STOX2: variants seen among roughly 807,000 people sequenced by gnomAD.
STOX2 encodes storkhead-box protein 2.
Under a neutral mutation model 60.9 loss-of-function variants are expected in STOX2, and 28 were observed. That is an observed-to-expected ratio of 0.46 (90% confidence interval 0.34 to 0.63). STOX2 has a LOEUF of 0.63. Ranked by LOEUF, STOX2 falls within the 30% of genes least tolerant of loss-of-function variation. The pLI is 0.01. For missense variants in STOX2, 1,024 were observed against 1,187.7 expected (o/e 0.86, Z 2.03); for synonymous variants, 472 against 463.9 (o/e 1.02, Z -0.22).
At chr4:183,916,199 G>A (rs1413356883) in intron 1 of STOX2, among the ~76,000 whole-genome samples, 3 of 152,214 alleles carry the variant, frequency 2.0e-5, no homozygotes, top group African/African-American at 7.2e-5. Context: ...GCCGGCAGGT[G>A]GTGCCCCATG....
intron 1 of STOX2, among the ~76,000 whole-genome samples, chr4:183,970,135 T>A (rs1459456965): frequency 1.6e-5 from 2 of 127,980 alleles, no homozygotes; most frequent in African/African-American, 6.0e-5. Flanking sequence ...TATAACTACA[T>A]GTACGTGTGT....
At position 183,826,509 on chromosome 4, in the gene STOX2, T is replaced by C. The variant is rs113035781; in HGVS notation, c.364+28454T>C. On this transcript the variant is annotated intron_variant, in intron 1 of 2. Coordinates refer to the STOX2 transcript ENST00000513034. ...CTGAGTAAGTGTAACCTCTCTGCTT[T>C]CCATTTCCATGGCTTGTATTCTCTA... is the stretch of plus-strand genomic sequence containing the variant. Among the ~76,000 whole-genome samples, 707 of 152,280 alleles carry C rather than the reference T, an allele frequency of 4.6e-3. 5 individuals are homozygous for C. The highest frequency in any genetic ancestry group is 0.016 in the African/African-American group (681 of 41,560).
chr4:183,938,565 A>G (rs1742654151), intron 1 of STOX2, among the ~76,000 whole-genome samples: 1 of 145,982 alleles, frequency 6.9e-6, no homozygotes, highest in Non-Finnish European at 1.5e-5. Flanking sequence ...GCTACTCAGG[A>G]GGCGGAGGCA....
chr4:183,928,106 G>A (rs1399313362), intron 1 of STOX2, among the ~76,000 whole-genome samples: 2 of 152,160 alleles, frequency 1.3e-5, no homozygotes, highest in Non-Finnish European at 2.9e-5. Flanking sequence ...ATTTTGCATT[G>A]TTTGCTTATG....
rs114871761 is a variant in STOX2, at chr4:183,954,675, C to T, written c.167-46650C>T. ...GTCAAAAATGCACACACACATCACACACACTACTGTCTAGCATAATGAAAA... is the reference window on the plus strand; with the variant it reads ...GTCAAAAATGCACACACACATCACATACACTACTGTCTAGCATAATGAAAA... On this transcript the variant is annotated intron_variant, in intron 1 of 3. Coordinates refer to ENST00000308497, the MANE Select transcript of STOX2 (RefSeq NM_020225.3). Among the ~76,000 whole-genome samples the T allele has an allele frequency of 4.4e-3, 669 of 152,306 alleles. 5 individuals carry two copies. Among genetic ancestry groups the T allele is most frequent in the African/African-American group, 0.015 (630 of 41,564 alleles).
chr4:183,840,053 C>T (rs111752962), intron 1 of STOX2, among the ~76,000 whole-genome samples: 73 of 150,426 alleles, frequency 4.9e-4, no homozygotes, highest in African/African-American at 1.3e-3. Context: ...TGTGTGTGCG[C>T]GTGTGTGTGT....
chr4:183,921,917 T>C (rs1026342357), intron 1 of STOX2, among the ~76,000 whole-genome samples: 2 of 152,242 alleles, frequency 1.3e-5, no homozygotes, highest in African/African-American at 4.8e-5. Flanking sequence ...ATATGATTTA[T>C]AGTTTCTCTG....
At chr4:183,838,645 T>C (rs1009080406) in intron 1 of STOX2, among the ~76,000 whole-genome samples, 3 of 152,226 alleles carry the variant, frequency 2.0e-5, no homozygotes, top group Non-Finnish European at 2.9e-5. Context: ...TGAGTCCCCA[T>C]GTCCTTAAAG....
At chr4:183,839,543 C>G (rs1026939383) in intron 1 of STOX2, among the ~76,000 whole-genome samples, 2 of 152,182 alleles carry the variant, frequency 1.3e-5, no homozygotes, top group Non-Finnish European at 2.9e-5. Context: ...AGCATTAGTA[C>G]TACAGGAAAC....
chr4:184,009,248 T>G lies in STOX2; in HGVS notation c.410T>G (p.Phe137Cys). The change falls in exon 3 of 4, where the codon TTC becomes TGC. Residue 137 changes from phenylalanine to cysteine, a missense_variant. Phe to Cys is a radical substitution (Grantham distance 205). This residue lies in a region of STOX2 where 922 missense variants were observed against 1,058.3 expected (regional missense o/e 0.87). Coordinates refer to ENST00000308497, the MANE Select transcript of STOX2 (RefSeq NM_020225.3). This position sits in a 1 kb window ranked among gnomAD's most constrained non-coding sequence, Gnocchi z 4.0. ...RKIYPTPDGY[F>C]IVTPQTYFIT... ...ATCTACCCAACTCCAGATGGCTACT[T>G]CATCGTGACCCCACAGACTTATTTC... 1 of 1,606,132 alleles carries G rather than the reference T, an allele frequency of 6.2e-7. No individual in the cohort carries two copies. Among genetic ancestry groups the G allele is most frequent in the Non-Finnish European group, 8.5e-7 (1 of 1,174,630 alleles).
Position 183,810,549 on chromosome 4 carries a change from AT to A in STOX2, c.364+12495del, listed in dbSNP as rs774051886. ...AAACATCAGGGGTGCTGTGGTTTAA[AT>A]GTGTTCCCCAAAGTTCGTATCTTGG... On this transcript the variant is annotated intron_variant, in intron 1 of 2. Coordinates refer to the STOX2 transcript ENST00000513034. 4.1e-4 allele frequency among the ~76,000 whole-genome samples: 63 copies of A among 152,322 alleles called. No individual in the cohort carries two copies. The Middle Eastern group carries it at 0.014, about 33-fold the overall frequency.
intron 1 of STOX2, among the ~76,000 whole-genome samples, chr4:183,992,581 G>A (rs1733158741): frequency 6.6e-6 from 1 of 152,236 alleles, no homozygotes; most frequent in East Asian, 1.9e-4. Flanking sequence ...AAGACGTCAT[G>A]TTCCTCAGGT....
At chr4:183,941,719 T>C (rs1045651810) in intron 1 of STOX2, among the ~76,000 whole-genome samples, 1 of 152,160 alleles carries the variant, frequency 6.6e-6, no homozygotes, top group African/African-American at 2.4e-5. Context: ...TCATTAGCAA[T>C]TGGTAGATGG....
At chr4:183,895,891 G>A (rs1011665401) in intron 1 of STOX2, among the ~76,000 whole-genome samples, 16 of 152,274 alleles carry the variant, frequency 1.1e-4, no homozygotes, top group African/African-American at 3.6e-4. Context: ...ATATAAACAG[G>A]ACAAGGGCCT....
At chr4:183,815,150 G>A (rs527854862) in intron 1 of STOX2, among the ~76,000 whole-genome samples, 2 of 151,944 alleles carry the variant, frequency 1.3e-5, no homozygotes, top group East Asian at 1.9e-4. Flanking sequence ...CCACCACCAT[G>A]CCCAGCTAAT....
At chr4:183,973,517 C>G (rs965178170) in intron 1 of STOX2, among the ~76,000 whole-genome samples, 1 of 151,796 alleles carries the variant, frequency 6.6e-6, no homozygotes, top group Non-Finnish European at 1.5e-5. Flanking sequence ...TATTTATATA[C>G]GAAGGTAAAA....
rs1734152869 is a variant in STOX2 at position 184,011,194 on chromosome 4, G to T, written c.2356G>T (p.Ala786Ser). Residue 786 changes from alanine to serine, a missense_variant, in exon 3 of 4, where the codon GCA becomes TCA. By Grantham distance (99) the Ala-to-Ser change is moderately conservative. Coordinates refer to ENST00000308497, the MANE Select transcript of STOX2 (RefSeq NM_020225.3). This position sits in a 1 kb window ranked among gnomAD's most constrained non-coding sequence, Gnocchi z 4.4. ...TGATGATGACGACTCTGAGGAAGGG[G>T]CAAACAAGAACACAGAGGAGGAGAA... is the stretch of plus-strand genomic sequence containing the variant. ...VSDDDDSEEGANKNTEEEKNR... is the reference protein window; with the variant it reads ...VSDDDDSEEGSNKNTEEEKNR... The T allele has an allele frequency of 6.3e-7, 1 of 1,598,806 alleles. No homozygotes were observed. The highest frequency in any genetic ancestry group is 1.4e-5 in the African/African-American group (1 of 74,048).
At chr4:183,989,305 C>T (rs1292117344) in intron 1 of STOX2, among the ~76,000 whole-genome samples, 1 of 150,852 alleles carries the variant, frequency 6.6e-6, no homozygotes, top group Non-Finnish European at 1.5e-5. Flanking sequence ...CGGGTTCAAG[C>T]GATTCTTCTG....
chr4:183,930,065 G>A (rs1381332335), intron 1 of STOX2, among the ~76,000 whole-genome samples: 2 of 151,708 alleles, frequency 1.3e-5, no homozygotes, highest in Non-Finnish European at 1.5e-5. Flanking sequence ...GAGTTTCACC[G>A]TATTAGCCAG....
Sources: gnomAD v4.1 joint callset for allele counts (sites outside exome capture counted in the v4.1 genomes callset) on GRCh38, gnomAD v4.1.1 for gene constraint, gnomAD v4.1.1 regional missense constraint, Gnocchi (gnomAD v3.1) non-coding constraint, MANE v1.5 for transcripts, NCBI Gene and HGNC (gene_info 2026-07-23, HGNC 2026-07-21) for gene names.